Variants in PAIP2B observed in about 807,000 individuals in gnomAD.
PAIP2B encodes the protein poly(A) binding protein interacting protein 2B, also known as polyadenylate-binding protein-interacting protein 2B.
Under a neutral mutation model 17.0 loss-of-function variants are expected in PAIP2B, and 13 were observed. The observed-to-expected ratio is 0.76, with a 90% CI of 0.50 to 1.22. The LOEUF is 1.22. PAIP2B is among the 50% of genes most tolerant of loss of function. PAIP2B has a pLI of 0.00. For missense variants in PAIP2B, 117 were observed against 144.5 expected, an observed-to-expected ratio of 0.81 and a Z score of 0.98; for synonymous variants, 43 against 48.7, an observed-to-expected ratio of 0.88 and a Z score of 0.48.
rs1350822742 is a variant in PAIP2B at position 71,184,779 on chromosome 2, A to G, written c.*3700T>C. 2 of 152,138 alleles carry G rather than the reference A, an allele frequency of 1.3e-5. No homozygotes were observed. The highest frequency in any genetic ancestry group is 4.8e-5 in the African/African-American group (2 of 41,406). 9.4% of individuals were successfully genotyped at this position (152,138 alleles called of 1,614,324 possible). Reference sequence around the variant, plus strand: ...GTCAATCCTCCTGTTCTCCCCACCCACTTCGCAAACTAATGACGTCCGCGT... The same window carrying G: ...GTCAATCCTCCTGTTCTCCCCACCCGCTTCGCAAACTAATGACGTCCGCGT... On this transcript the variant is annotated 3_prime_UTR_variant, in exon 4 of 4. Coordinates refer to ENST00000244221, the MANE Select transcript of PAIP2B (RefSeq NM_020459.1).
intron 2 of PAIP2B, 98 bp from the exon 3 acceptor site, chr2:71,190,119 G>A: frequency 8.3e-7 from 1 of 1,198,012 alleles, no homozygotes; most frequent in East Asian, 2.6e-5. Flanking sequence ...GTATTACTCT[G>A]CAATTAAGAA....
At position 71,202,543 on chromosome 2, in the gene PAIP2B, T is replaced by C. The variant is rs745481488; in HGVS notation, c.47A>G (p.Lys16Arg). 6.2e-7 allele frequency: 1 copy of C among 1,613,856 alleles called. No homozygotes were observed. The highest frequency in any genetic ancestry group is 8.5e-7 in the Non-Finnish European group (1 of 1,179,748). The change falls in exon 2 of 4, where the codon AAA (lysine) becomes AGA (arginine). Residue 16 changes from lysine (K) to arginine (R), a missense_variant. Lys to Arg is a conservative substitution (Grantham distance 26). Transcript: ENST00000244221. ...MANTSPSVKS[K>R]EDQGLSGHDE... ...GTGCCCACTTAACCCCTGGTCCTCT[T>C]TGGATTTTACACTCGGTGATGTATT...
chr2:71,202,565 T>A lies in PAIP2B; in HGVS notation c.25A>T (p.Thr9Ser). The A allele has an allele frequency of 2.5e-6, 4 of 1,613,554 alleles. No homozygotes were observed. Among genetic ancestry groups the A allele is most frequent in the Non-Finnish European group, 3.4e-6 (4 of 1,179,568 alleles). The change falls in exon 2 of 4, where the codon ACA (threonine) becomes TCA (serine). Residue 9 changes from threonine to serine, a missense_variant. Physicochemically the swap from Thr to Ser is moderately conservative, Grantham distance 58. Coordinates refer to ENST00000244221, the MANE Select transcript of PAIP2B (RefSeq NM_020459.1). ...TCTTTGGATTTTACACTCGGTGATG[T>A]ATTTGCCATATTGGATCCATTCATT... is the stretch of plus-strand genomic sequence containing the variant. Reference protein sequence around the residue: MNGSNMANTSPSVKSKEDQ... With the variant: MNGSNMANSSPSVKSKEDQ...
chr2:71,216,883 ATTTTAT>A (rs1264013537), intron 1 of PAIP2B, among the ~76,000 whole-genome samples: 4 of 152,198 alleles, frequency 2.6e-5, no homozygotes, highest in African/African-American at 9.6e-5. Context: ...CATCCAATGT[ATTTTAT>A]TTTTATGAGT....
In PAIP2B at chr2:71,207,347, A is replaced by G. The variant is rs553923538; in HGVS notation, c.-11-4747T>C. Among the ~76,000 whole-genome samples the G allele has an allele frequency of 2.8e-4, 42 of 152,286 alleles. 1 individual carries two copies. The highest frequency in any genetic ancestry group is 3.5e-4 in the Non-Finnish European group (24 of 68,022). On this transcript the variant is annotated intron_variant, in intron 1 of 3. Transcript: ENST00000244221. ...AGGCAGGAGGGAATTTTCGGGAACT[A>G]CAAGAAGGTAGGTACGTATATAGCC... is the stretch of plus-strand genomic sequence containing the variant.
intron 1 of PAIP2B, among the ~76,000 whole-genome samples, chr2:71,214,687 G>C (rs1256574010): frequency 4.6e-5 from 7 of 152,162 alleles, no homozygotes; most frequent in Non-Finnish European, 8.8e-5. Flanking sequence ...GAATACTCCT[G>C]TTTTGCTCAG....
chr2:71,196,498 G>C (rs1674822512), intron 2 of PAIP2B, among the ~76,000 whole-genome samples: 1 of 152,076 alleles, frequency 6.6e-6, no homozygotes, highest in Non-Finnish European at 1.5e-5. Context: ...TTTTTGGGTG[G>C]AGACTTCTGT....
intron 1 of PAIP2B, among the ~76,000 whole-genome samples, chr2:71,213,194 C>T (rs1347630600): frequency 6.6e-6 from 1 of 152,154 alleles, no homozygotes; most frequent in African/African-American, 2.4e-5. Flanking sequence ...GTGGAATTAT[C>T]TAAACTAGAA....
chr2:71,188,682 A>T (rs895442754), intron 3 of PAIP2B, 147 bp from the exon 4 acceptor site: 5 of 688,678 alleles, frequency 7.3e-6, no homozygotes, highest in South Asian at 1.8e-5. Flanking sequence ...AGGTTATCTC[A>T]ACTGCACCTG....
intron 1 of PAIP2B, among the ~76,000 whole-genome samples, chr2:71,206,948 T>A (rs1675146916): frequency 6.6e-6 from 1 of 152,232 alleles, no homozygotes; most frequent in Non-Finnish European, 1.5e-5. Context: ...TTCTGCCACA[T>A]GATTCGGGTT....
intron 2 of PAIP2B, among the ~76,000 whole-genome samples, chr2:71,198,217 T>G (rs1317007513): frequency 6.6e-6 from 1 of 151,962 alleles, no homozygotes; most frequent in East Asian, 1.9e-4. Context: ...CTTCCCAGAT[T>G]CAAGAGATTC....
At chr2:71,218,889 T>C (rs1003512829) in intron 1 of PAIP2B, among the ~76,000 whole-genome samples, 5 of 151,736 alleles carry the variant, frequency 3.3e-5, no homozygotes, top group African/African-American at 1.2e-4. Flanking sequence ...ATGTTTTGAG[T>C]GGCAGAATTA....
At chr2:71,211,007 G>A (rs531355110) in intron 1 of PAIP2B, among the ~76,000 whole-genome samples, 1 of 152,222 alleles carries the variant, frequency 6.6e-6, no homozygotes, top group African/African-American at 2.4e-5. Context: ...AGCACTTTGG[G>A]AGGCCGAGGT....
chr2:71,188,590 T>C, intron 3 of PAIP2B, 55 bp from the exon 4 acceptor site: 2 of 1,436,002 alleles, frequency 1.4e-6, no homozygotes, highest in Admixed American at 1.9e-5. Context: ...TTTTAAAACT[T>C]ACCCAGTCCA....
rs144162575 is a variant in PAIP2B at position 71,203,813 on chromosome 2, C to T, written c.-11-1213G>A. Among the ~76,000 whole-genome samples, 175 of 149,932 alleles carry T rather than the reference C, an allele frequency of 1.2e-3. 1 individual carries two copies. The highest frequency in any genetic ancestry group is 3.9e-3 in the African/African-American group (157 of 40,676). ...TTTAATTTTTTATGGCAATTTTTGC[C>T]GGCCTTAAATTTTTCTAGCTCATAT... is the stretch of plus-strand genomic sequence containing the variant. On this transcript the variant is annotated intron_variant, in intron 1 of 3. Coordinates refer to ENST00000244221, the MANE Select transcript of PAIP2B (RefSeq NM_020459.1).
At chr2:71,194,649 GT>G (rs1674772577) in intron 2 of PAIP2B, among the ~76,000 whole-genome samples, 1 of 152,174 alleles carries the variant, frequency 6.6e-6, no homozygotes. Context: ...AGACTACGGA[GT>G]TTTCTAGATA....
chr2:71,202,626 A>G, intron 1 of PAIP2B, 26 bp from the exon 2 acceptor site: 6 of 1,573,952 alleles, frequency 3.8e-6, no homozygotes, highest in Non-Finnish European at 2.6e-6. Flanking sequence ...AGAAAAGATA[A>G]AATGAATATA....
At chr2:71,222,395 C>T (rs955018857) in intron 1 of PAIP2B, among the ~76,000 whole-genome samples, 1 of 152,190 alleles carries the variant, frequency 6.6e-6, no homozygotes, top group African/African-American at 2.4e-5. Flanking sequence ...GATGGCACAG[C>T]TCAAAATTCT....
chr2:71,190,830 T>C (rs1210618813), intron 2 of PAIP2B, among the ~76,000 whole-genome samples: 1 of 152,174 alleles, frequency 6.6e-6, no homozygotes, highest in Non-Finnish European at 1.5e-5. Flanking sequence ...ATTTTTTGGG[T>C]AAGGAAACCC....
Sources: gnomAD v4.1 joint callset for allele counts (sites outside exome capture counted in the v4.1 genomes callset) on GRCh38, gnomAD v4.1.1 for gene constraint, MANE v1.5 for transcripts, NCBI Gene and HGNC (gene_info 2026-07-23, HGNC 2026-07-21) for gene names.